PKHD1: variants seen among roughly 807,000 people sequenced by gnomAD.
PKHD1 encodes the protein fibrocystin.
PKHD1 carries 291 observed loss-of-function variants against 412.0 expected under a neutral mutation model. The observed-to-expected ratio is 0.71, with a 90% CI of 0.64 to 0.78. PKHD1 has a LOEUF of 0.78. Among genes scored for constraint, PKHD1 ranks in the 30% least tolerant of loss-of-function variants. PKHD1 has a pLI of 0.00. For missense variants in PKHD1, 4,825 were observed against 4,950.7 expected, an observed-to-expected ratio of 0.97 and a Z score of 0.76; for synonymous variants, 1,777 against 1,821.5, an observed-to-expected ratio of 0.98 and a Z score of 0.62.
chr6:52,035,728 CA>C lies in PKHD1; in HGVS notation c.3098-8del. ...ATGGTGGCCCAGAGCCCTCCTGTAACAAAAACAGCATATTCAAATGGGATCA... is the reference window on the plus strand; with the variant it reads ...ATGGTGGCCCAGAGCCCTCCTGTAACAAAACAGCATATTCAAATGGGATCA... On this transcript the variant is annotated splice_region_variant and splice_polypyrimidine_tract_variant and intron_variant, in intron 27 of 66. Transcript: ENST00000371117. The C allele has an allele frequency of 6.2e-7, 1 of 1,613,582 alleles. No individual in the cohort carries two copies.
chr6:51,713,402 G>A (rs539661532), intron 60 of PKHD1, among the ~76,000 whole-genome samples: 12 of 152,182 alleles, frequency 7.9e-5, no homozygotes, highest in Admixed American at 3.9e-4. Context: ...AAGTTTGGTT[G>A]GCTTTGGATC....
intron 46 of PKHD1, among the ~76,000 whole-genome samples, chr6:51,882,189 C>G (rs1485629591): frequency 6.6e-6 from 1 of 152,074 alleles, no homozygotes; most frequent in South Asian, 2.1e-4. Flanking sequence ...GGGTACCATC[C>G]TCTCTTGAAA....
At chr6:51,730,445 T>C (rs1207869396) in intron 60 of PKHD1, among the ~76,000 whole-genome samples, 2 of 152,222 alleles carry the variant, frequency 1.3e-5, no homozygotes, top group Non-Finnish European at 2.9e-5. Flanking sequence ...AACGTTGCTA[T>C]TTGAATGATT....
Position 51,960,010 on chromosome 6 carries a change from T to A in PKHD1, c.5768A>T (p.Gln1923Leu), listed in dbSNP as rs150838488. 2,352 of 1,613,366 alleles carry A rather than the reference T, an allele frequency of 1.5e-3. 10 individuals carry two copies. The highest frequency in any genetic ancestry group is 1.8e-3 in the Non-Finnish European group (2,116 of 1,179,536). The change falls in exon 36 of 67, where the codon CAG becomes CTG. Residue 1923 changes from glutamine (Q) to leucine (L), a missense_variant. Physicochemically the swap from Gln to Leu is moderately radical, Grantham distance 113. Coordinates refer to ENST00000371117, the MANE Select transcript of PKHD1 (RefSeq NM_138694.4). ...AGTCCTGGACCATCTCCGGCAGAACTGTAAAGAAAAGTTGCCCTGGAAAAC... is the reference window on the plus strand; with the variant it reads ...AGTCCTGGACCATCTCCGGCAGAACAGTAAAGAAAAGTTGCCCTGGAAAAC... ...GQNTQGNFSL[Q>L]FCRRWSRTHS...
intron 55 of PKHD1, among the ~76,000 whole-genome samples, chr6:51,756,054 C>T (rs1786958493): frequency 6.6e-6 from 1 of 151,902 alleles, no homozygotes; most frequent in Non-Finnish European, 1.5e-5. Context: ...ATAAATTAAA[C>T]CTAATCATTT....
intron 53 of PKHD1, among the ~76,000 whole-genome samples, chr6:51,784,701 A>G (rs1016279214): frequency 3.3e-5 from 5 of 152,176 alleles, no homozygotes; most frequent in African/African-American, 1.2e-4. Flanking sequence ...GACGTTCACT[A>G]TAAACTCACT....
chr6:51,888,564 C>A (rs1778576861), intron 43 of PKHD1, among the ~76,000 whole-genome samples: 2 of 151,756 alleles, frequency 1.3e-5, no homozygotes, highest in African/African-American at 4.8e-5. Context: ...AGCCCAAATT[C>A]CTGTGAAGTA....
At chr6:51,768,703 T>C (rs1353735264) in intron 55 of PKHD1, among the ~76,000 whole-genome samples, 7 of 151,780 alleles carry the variant, frequency 4.6e-5, no homozygotes, top group Admixed American at 4.6e-4. Flanking sequence ...GGCTAAAACT[T>C]TAATAATAAT....
In PKHD1 at chr6:52,025,449, C is replaced by G; in HGVS notation, c.4361G>C (p.Gly1454Ala). The change falls in exon 32 of 67, where the codon GGA becomes GCA. Residue 1454 changes from glycine to alanine, a missense_variant. Gly to Ala is a moderately conservative substitution (Grantham distance 60). Transcript: ENST00000371117. ...QVSLEGDPLP[G>A]ASFSLNVTVL... ...TGTGACGTTCAGGGAGAAGGAAGCTCCAGGCAAGGGGTCACCCTCCAGGCT... is the reference window on the plus strand; with the variant it reads ...TGTGACGTTCAGGGAGAAGGAAGCTGCAGGCAAGGGGTCACCCTCCAGGCT... The G allele has an allele frequency of 6.2e-7, 1 of 1,606,944 alleles. No individual in the cohort carries two copies. Among genetic ancestry groups the G allele is most frequent in the Non-Finnish European group, 8.5e-7 (1 of 1,175,680 alleles).
chr6:52,028,640 C>T (rs983326449), intron 29 of PKHD1, among the ~76,000 whole-genome samples: 2 of 151,908 alleles, frequency 1.3e-5, no homozygotes, highest in Non-Finnish European at 1.5e-5. Context: ...GCCTCCCAAG[C>T]AGCTGGGATT....
chr6:51,947,760 T>A (rs1201357368), intron 36 of PKHD1, among the ~76,000 whole-genome samples: 1 of 152,142 alleles, frequency 6.6e-6, no homozygotes, highest in East Asian at 1.9e-4. Context: ...TTAAACACCA[T>A]CGCACGCTAA....
chr6:52,034,836 T>C (rs1455590184), intron 28 of PKHD1, among the ~76,000 whole-genome samples: 1 of 152,220 alleles, frequency 6.6e-6, no homozygotes, highest in Non-Finnish European at 1.5e-5. Context: ...CTTTTCATAA[T>C]ATTTAAGGAA....
At chr6:51,836,186 C>T (rs1769177672) in intron 51 of PKHD1, among the ~76,000 whole-genome samples, 1 of 152,198 alleles carries the variant, frequency 6.6e-6, no homozygotes, top group Non-Finnish European at 1.5e-5. Flanking sequence ...TCAATTCTTA[C>T]TTTCATTGCT....
intron 60 of PKHD1, among the ~76,000 whole-genome samples, chr6:51,665,491 T>A (rs1190695300): frequency 6.6e-6 from 1 of 152,146 alleles, no homozygotes; most frequent in Non-Finnish European, 1.5e-5. Context: ...CAATTAGTCA[T>A]CTCTGATAAT....
chr6:51,823,934 T>C (rs996542128), intron 52 of PKHD1, among the ~76,000 whole-genome samples: 1 of 152,134 alleles, frequency 6.6e-6, no homozygotes, highest in East Asian at 1.9e-4. Flanking sequence ...TTCAATCCTA[T>C]TTTAGGAACA....
At chr6:51,800,471 A>G (rs1210680692) in intron 52 of PKHD1, among the ~76,000 whole-genome samples, 1 of 152,250 alleles carries the variant, frequency 6.6e-6, no homozygotes, top group African/African-American at 2.4e-5. Flanking sequence ...ACTGAAAGAC[A>G]GATGTCTCTG....
At chr6:51,746,335 G>C (rs1371721133) in intron 59 of PKHD1, among the ~76,000 whole-genome samples, 1 of 152,148 alleles carries the variant, frequency 6.6e-6, no homozygotes, top group Non-Finnish European at 1.5e-5. Flanking sequence ...TGAAGAATTA[G>C]AGTCAATTTA....
chr6:51,908,556 T>A, intron 40 of PKHD1, among the ~76,000 whole-genome samples: 1 of 152,178 alleles, frequency 6.6e-6, no homozygotes, highest in African/African-American at 2.4e-5. Flanking sequence ...GCATGTCAGC[T>A]TTTGGTAATG....
At chr6:51,704,084 C>G (rs536881509) in intron 60 of PKHD1, among the ~76,000 whole-genome samples, 1 of 152,128 alleles carries the variant, frequency 6.6e-6, no homozygotes, top group African/African-American at 2.4e-5. Context: ...CTTTCTTTAT[C>G]CTCCCTCTGA....
Sources: gnomAD v4.1 joint callset for allele counts (sites outside exome capture counted in the v4.1 genomes callset) on GRCh38, gnomAD v4.1.1 for gene constraint, MANE v1.5 for transcripts, NCBI Gene and HGNC (gene_info 2026-07-23, HGNC 2026-07-21) for gene names.